Variants in PNPT1 observed in about 807,000 individuals in gnomAD.
PNPT1 encodes the protein polyribonucleotide nucleotidyltransferase 1, mitochondrial.
PNPT1 carries 53 observed loss-of-function variants against 119.5 expected under a neutral mutation model. The ratio of observed to expected loss-of-function variants is 0.44; its 90% confidence interval spans 0.36 to 0.56. The LOEUF (loss-of-function observed/expected upper bound fraction) is 0.56, where lower values mean the gene tolerates loss of function less well. PNPT1 is among the 20% of genes least tolerant of loss of function. PNPT1 has a pLI of 0.00. For synonymous variants in PNPT1, 357 were observed against 322.1 expected, an observed-to-expected ratio of 1.11 and a Z score of -1.16; for missense variants, 948 against 938.5, an observed-to-expected ratio of 1.01 and a Z score of -0.13.
intron 26 of PNPT1, among the ~76,000 whole-genome samples, chr2:55,637,908 G>A (rs1188692909): frequency 6.6e-6 from 1 of 151,558 alleles, no homozygotes; most frequent in African/African-American, 2.4e-5. Flanking sequence ...GCTGAGGCAG[G>A]AGAATGGCGT....
intron 8 of PNPT1, among the ~76,000 whole-genome samples, chr2:55,676,789 G>A (rs1697085706): frequency 6.6e-6 from 1 of 151,544 alleles, no homozygotes. Flanking sequence ...TTGAACCTGG[G>A]AGGCGGAAGT....
At position 55,647,378 on chromosome 2, in the gene PNPT1, A is replaced by G. The variant is rs1167475108; in HGVS notation, c.1571T>C (p.Ile524Thr). ...ATCTGTCAGCAAACGATAATCTTCT[A>G]TTTCACCCTTCTCAGGATCGGTTTT... Reference protein sequence around the residue: ...VTKTDPEKGEIEDYRLLTDIL... With the variant: ...VTKTDPEKGETEDYRLLTDIL... Residue 524 changes from isoleucine to threonine, a missense_variant, in exon 19 of 28, where the codon ATA becomes ACA. Coordinates refer to ENST00000447944, the MANE Select transcript of PNPT1 (RefSeq NM_033109.5). 6.2e-7 allele frequency: 1 copy of G among 1,609,980 alleles called. No individual in the cohort carries two copies. The highest frequency in any genetic ancestry group is 8.5e-7 in the Non-Finnish European group (1 of 1,177,560).
intron 18 of PNPT1, among the ~76,000 whole-genome samples, chr2:55,650,610 C>G (rs1244036827): frequency 6.6e-6 from 1 of 151,884 alleles, no homozygotes; most frequent in Non-Finnish European, 1.5e-5. Flanking sequence ...GCCATCCCAT[C>G]TGGGAAGTGA....
chr2:55,650,841 G>C (rs1349689402), intron 18 of PNPT1, among the ~76,000 whole-genome samples: 1 of 150,492 alleles, frequency 6.6e-6, no homozygotes, highest in Non-Finnish European at 1.5e-5. Context: ...CAGCCACCCC[G>C]TCTGGGAAGT....
chr2:55,660,992 A>G (rs1198001546), intron 14 of PNPT1, among the ~76,000 whole-genome samples: 9 of 152,208 alleles, frequency 5.9e-5, no homozygotes, highest in South Asian at 2.1e-4. Context: ...CTTAACCAGG[A>G]ACAGGAAGTA....
rs892884483 is a variant in PNPT1 at position 55,640,732 on chromosome 2, G to A, written c.2070-27C>T. ...TACAAAAAAATAAATAGTAAGCCTG[G>A]TTAAAATAATAAGTATCTGTATATC... On this transcript the variant is annotated intron_variant, in intron 25 of 27. Coordinates refer to ENST00000447944, the MANE Select transcript of PNPT1 (RefSeq NM_033109.5). 3.6e-6 allele frequency: 5 copies of A among 1,407,832 alleles called. No homozygotes were observed. In the South Asian group the frequency reaches 5.8e-5, roughly 16 times the overall value. 87.2% of individuals were successfully genotyped at this position (1,407,832 alleles called of 1,614,324 possible). A position where few individuals can be genotyped will look rare whatever the true frequency, so the allele number is the denominator to read the frequency against.
chr2:55,647,162 A>C (rs1436875368), intron 19 of PNPT1, among the ~76,000 whole-genome samples, 185 bp downstream of exon 19: 1 of 152,168 alleles, frequency 6.6e-6, no homozygotes, highest in African/African-American at 2.4e-5. Context: ...TATAAGATAC[A>C]AGGTGAACAT....
intron 8 of PNPT1, among the ~76,000 whole-genome samples, chr2:55,674,469 T>A (rs930652805): frequency 3.3e-5 from 5 of 152,130 alleles, no homozygotes; most frequent in Non-Finnish European, 7.4e-5. Flanking sequence ...GGCGTGCACC[T>A]GTAGTCCCAG....
chr2:55,667,431 A>G (rs1696767837), intron 12 of PNPT1, among the ~76,000 whole-genome samples: 1 of 152,036 alleles, frequency 6.6e-6, no homozygotes, highest in Non-Finnish European at 1.5e-5. Flanking sequence ...CGTCTCTACT[A>G]AAAATACAAA....
In PNPT1 at chr2:55,643,419, G is replaced by C. The variant is rs375324746; in HGVS notation, c.1913C>G (p.Thr638Ser). 5 of 1,613,480 alleles carry C rather than the reference G, an allele frequency of 3.1e-6. No homozygotes were observed. The highest frequency in any genetic ancestry group is 4.2e-6 in the Non-Finnish European group (5 of 1,179,904). The change falls in exon 24 of 28, where the codon ACT (threonine) becomes AGT (serine). Residue 638 changes from threonine to serine, a missense_variant. Transcript: ENST00000447944. ...CGTTTCTTCATCCACCTGACTAATA[G>C]TTACACCTTTTAAAAACAAAATGTA... ...LKKLQAETGV[T>S]ISQVDEETFS...
At chr2:55,680,312 G>C (rs1697205120) in intron 7 of PNPT1, among the ~76,000 whole-genome samples, 1 of 151,466 alleles carries the variant, frequency 6.6e-6, no homozygotes, top group African/African-American at 2.4e-5. Context: ...TAGGACACTT[G>C]ATAATTATTT....
chr2:55,645,294 G>A (rs1045334431), intron 22 of PNPT1, 55 bp downstream of exon 22: 55 of 1,255,888 alleles, frequency 4.4e-5, no homozygotes, highest in Non-Finnish European at 5.9e-5. Context: ...AAAGTGCTGG[G>A]ATTACAGGCG....
chr2:55,640,741 A>G (rs1476693793), intron 25 of PNPT1, 36 bp from the exon 26 acceptor site: 9 of 1,349,000 alleles, frequency 6.7e-6, no homozygotes, highest in Middle Eastern at 2.5e-4. Context: ...GGTTAAAATA[A>G]TAAGTATCTG....
In PNPT1 at chr2:55,679,610, T is replaced by G. The variant is rs1040376525; in HGVS notation, c.679+72A>C. On this transcript the variant is annotated intron_variant, in intron 8 of 27. Coordinates refer to ENST00000447944, the MANE Select transcript of PNPT1 (RefSeq NM_033109.5). ...CTACCGACAAAACATACACACAGAGTTTAAATTCAGTTTAAGAAGCCAGAA... is the reference window on the plus strand; with the variant it reads ...CTACCGACAAAACATACACACAGAGGTTAAATTCAGTTTAAGAAGCCAGAA... The G allele has an allele frequency of 1.5e-5, 17 of 1,113,988 alleles. No homozygotes were observed. The Admixed American group carries it at 3.4e-4, about 22-fold the overall frequency. 69.0% of individuals were successfully genotyped at this position (1,113,988 alleles called of 1,614,324 possible).
Position 55,683,886 on chromosome 2 carries a change from A to G in PNPT1, c.404-52T>C, listed in dbSNP as rs781411754. 8 of 1,564,868 alleles carry G rather than the reference A, an allele frequency of 5.1e-6. No homozygotes were observed. In the Admixed American group the frequency reaches 6.8e-5, roughly 13 times the overall value. Reference sequence around the variant, plus strand: ...AACCGTACTGACAGAGTTGCTTTACAGTTCAAAACGTTTGAACTAATATAG... The same window carrying G: ...AACCGTACTGACAGAGTTGCTTTACGGTTCAAAACGTTTGAACTAATATAG... On this transcript the variant is annotated intron_variant, in intron 4 of 27. Coordinates refer to ENST00000447944, the MANE Select transcript of PNPT1 (RefSeq NM_033109.5).
chr2:55,670,970 T>TA lies in PNPT1; in HGVS notation c.976+348dup, dbSNP rs61121266. ...TTTATTTGAGATCTTCAACTAAAGT[T>TA]AAAAAAAAAAAAAGTCTATTATTTC... On this transcript the variant is annotated intron_variant, in intron 11 of 27. Coordinates refer to ENST00000447944, the MANE Select transcript of PNPT1 (RefSeq NM_033109.5). Among the ~76,000 whole-genome samples, 16 of 151,036 alleles carry TA rather than the reference T, an allele frequency of 1.1e-4. No individual in the cohort carries two copies. The East Asian group carries it at 2.4e-3, about 22-fold the overall frequency.
intron 23 of PNPT1, 22 bp from the exon 24 acceptor site, chr2:55,643,447 A>C (rs1327679965): frequency 6.2e-7 from 1 of 1,603,060 alleles, no homozygotes; most frequent in South Asian, 1.1e-5. Context: ...AAAATGTAAC[A>C]TATTAAAGTT....
chr2:55,649,581 G>C (rs377123724), intron 18 of PNPT1, among the ~76,000 whole-genome samples: 12 of 152,170 alleles, frequency 7.9e-5, no homozygotes, highest in African/African-American at 2.9e-4. Context: ...TTCTCTCTTT[G>C]CTTCTTAGTC....
intron 8 of PNPT1, among the ~76,000 whole-genome samples, chr2:55,676,792 G>A (rs1697085849): frequency 6.6e-6 from 1 of 151,636 alleles, no homozygotes; most frequent in Non-Finnish European, 1.5e-5. Context: ...AACCTGGGAG[G>A]CGGAAGTTGC....
Sources: gnomAD v4.1 joint callset for allele counts (sites outside exome capture counted in the v4.1 genomes callset) on GRCh38, gnomAD v4.1.1 for gene constraint, MANE v1.5 for transcripts, NCBI Gene and HGNC (gene_info 2026-07-23, HGNC 2026-07-21) for gene names.